CMIP: variants seen among roughly 807,000 people sequenced by gnomAD.
CMIP encodes the protein c-Maf inducing protein.
CMIP carries 13 observed loss-of-function variants against 97.3 expected under a neutral mutation model. The ratio of observed to expected loss-of-function variants is 0.13; its 90% CI spans 0.09 to 0.21. The LOEUF (loss-of-function observed/expected upper bound fraction) is 0.21, where lower values mean the gene tolerates loss of function less well. Ranked by LOEUF, CMIP falls within the 10% of genes least tolerant of loss-of-function variation. The probability of loss-of-function intolerance (pLI) is 1.00; values close to 1 mark genes in which losing one functional copy is unlikely to be tolerated. For missense variants in CMIP, 847 were observed against 1,024.9 expected (o/e 0.83, Z 2.37); for synonymous variants, 538 against 436.3 (o/e 1.23, Z -2.91).
chr16:81,655,356 G>C lies in CMIP; in HGVS notation c.640-2419G>C, dbSNP rs2092470624. ...CAGGCAGAGGGGCATCGTGGAGGGA[G>C]CTGCTAAGGACGCAAAACAGTTCCG... On this transcript the variant is annotated intron_variant, in intron 4 of 20. Transcript: ENST00000537098. This position sits in a 1 kb window ranked among gnomAD's most constrained non-coding sequence, Gnocchi z 4.9. 6.6e-6 allele frequency among the ~76,000 whole-genome samples: 1 copy of C among 152,146 alleles called. No individual in the cohort carries two copies. The highest frequency in any genetic ancestry group is 2.4e-5 in the African/African-American group (1 of 41,426).
chr16:81,462,310 T>G (rs1372933038), intron 1 of CMIP, among the ~76,000 whole-genome samples: 3 of 152,174 alleles, frequency 2.0e-5, no homozygotes, highest in Non-Finnish European at 4.4e-5. Flanking sequence ...CTATGGATCC[T>G]TGGGCTGGCA....
chr16:81,452,064 A>G (rs1906252381), intron 1 of CMIP, among the ~76,000 whole-genome samples: 1 of 152,126 alleles, frequency 6.6e-6, no homozygotes, highest in African/African-American at 2.4e-5. Flanking sequence ...GGCAGAGAAA[A>G]TATTTCTGGT....
chr16:81,690,564 G>A (rs1441533148), intron 10 of CMIP, among the ~76,000 whole-genome samples: 1 of 152,130 alleles, frequency 6.6e-6, no homozygotes, highest in Non-Finnish European at 1.5e-5. Context: ...AGTGCAGTGG[G>A]GTGATCTCAG....
At chr16:81,459,119 G>C (rs941548568) in intron 1 of CMIP, among the ~76,000 whole-genome samples, 2 of 152,090 alleles carry the variant, frequency 1.3e-5, no homozygotes, top group Admixed American at 1.3e-4. Flanking sequence ...TCTTGTGTTG[G>C]GTTTGCCACC....
At chr16:81,569,824 A>G (rs1310863092) in intron 1 of CMIP, among the ~76,000 whole-genome samples, 1 of 152,188 alleles carries the variant, frequency 6.6e-6, no homozygotes, top group East Asian at 1.9e-4. Flanking sequence ...TCTCATCTGT[A>G]AAATGGGAGC....
intron 1 of CMIP, chr16:81,533,957 T>C (rs982703343): frequency 2.6e-5 from 4 of 152,170 alleles, no homozygotes; most frequent in African/African-American, 9.7e-5. Flanking sequence ...TGACCGCAGA[T>C]GGGAAGGAAG....
At chr16:81,452,490 G>A (rs979626647) in intron 1 of CMIP, among the ~76,000 whole-genome samples, 6 of 152,164 alleles carry the variant, frequency 3.9e-5, no homozygotes, top group African/African-American at 1.4e-4. Flanking sequence ...ACTAAGTTAA[G>A]AGCAAGTAAT....
intron 2 of CMIP, among the ~76,000 whole-genome samples, chr16:81,615,674 G>T (rs1442148667): frequency 6.7e-6 from 1 of 150,178 alleles, no homozygotes; most frequent in African/African-American, 2.5e-5. Context: ...GTATGTGTCT[G>T]TGTGTGTGGT....
intron 1 of CMIP, among the ~76,000 whole-genome samples, chr16:81,562,059 G>T (rs950077191): frequency 1.3e-5 from 2 of 152,222 alleles, no homozygotes; most frequent in Non-Finnish European, 2.9e-5. Flanking sequence ...GGACACACTC[G>T]TGGGTTAGAT....
chr16:81,497,860 G>C (rs368773913), intron 1 of CMIP, among the ~76,000 whole-genome samples: 2 of 152,262 alleles, frequency 1.3e-5, no homozygotes, highest in Admixed American at 6.5e-5. Flanking sequence ...TGCCCGTGCA[G>C]CGTGGGCTCC....
rs533752166 is a variant in CMIP, at chr16:81,469,213, C to G, written c.300+23672C>G. ...TGGGGTCATTCTGGACTAGAAGCAT[C>G]TAGACCCAAGATAATGCAAAGAATT... is the stretch of plus-strand genomic sequence containing the variant. On this transcript the variant is annotated intron_variant, in intron 1 of 20. Coordinates refer to ENST00000537098, the MANE Select transcript of CMIP (RefSeq NM_198390.3). Among the ~76,000 whole-genome samples the G allele has an allele frequency of 1.3e-4, 20 of 152,348 alleles. No homozygotes were observed. In the South Asian group the frequency reaches 2.9e-3, roughly 22 times the overall value.
At chr16:81,579,159 G>T (rs1343532186) in intron 1 of CMIP, among the ~76,000 whole-genome samples, 2 of 152,136 alleles carry the variant, frequency 1.3e-5, no homozygotes, top group African/African-American at 4.8e-5. Context: ...GCACCCCCCT[G>T]CCTCCTAGGG....
chr16:81,664,794 A>T, intron 7 of CMIP: 1 of 317,984 alleles, frequency 3.1e-6, no homozygotes, highest in Non-Finnish European at 5.7e-6. Context: ...CAGGTGATCA[A>T]GGTCAACATC....
chr16:81,534,747 T>C (rs1379872675), intron 1 of CMIP, among the ~76,000 whole-genome samples: 1 of 152,228 alleles, frequency 6.6e-6, no homozygotes. Flanking sequence ...AATAATGCTA[T>C]TCCTTCCCTC....
chr16:81,707,589 G>T (rs1908293160), intron 20 of CMIP, among the ~76,000 whole-genome samples: 1 of 152,254 alleles, frequency 6.6e-6, no homozygotes, highest in Admixed American at 6.5e-5. Context: ...AGCAGGGAGG[G>T]TTGAGCAGGG....
intron 1 of CMIP, among the ~76,000 whole-genome samples, chr16:81,569,945 TTTCATTCATTCA>T (rs71146021): frequency 2.7e-4 from 41 of 150,900 alleles, no homozygotes; most frequent in African/African-American, 4.1e-4. Context: ...TGCACTTAAC[TTTCATTCATTCA>T]TTCATTCATT....
intron 3 of CMIP, among the ~76,000 whole-genome samples, chr16:81,649,666 C>T (rs910544099): frequency 3.3e-5 from 5 of 152,178 alleles, no homozygotes; most frequent in South Asian, 2.1e-4. Context: ...CATCATCTTT[C>T]GCAAAAGAAT....
intron 1 of CMIP, among the ~76,000 whole-genome samples, chr16:81,493,435 A>G (rs2150768627): frequency 6.8e-6 from 1 of 147,646 alleles, no homozygotes; most frequent in East Asian, 2.1e-4. Context: ...CCACTTCCTC[A>G]AGTCTTTGTG....
At chr16:81,637,040 T>C (rs1367175099) in intron 3 of CMIP, among the ~76,000 whole-genome samples, 2 of 152,108 alleles carry the variant, frequency 1.3e-5, no homozygotes, top group Non-Finnish European at 2.9e-5. Flanking sequence ...AGCACTTCTC[T>C]ATTGATGGAC....
Sources: allele counts gnomAD v4.1 joint callset (sites outside exome capture counted in the v4.1 genomes callset), GRCh38; gene constraint gnomAD v4.1.1; non-coding constraint Gnocchi (gnomAD v3.1); transcripts MANE v1.5; gene names NCBI Gene and HGNC (gene_info 2026-07-23, HGNC 2026-07-21).